Variants in GALNTL6 observed in about 807,000 individuals in gnomAD.
GALNTL6 encodes the protein polypeptide N-acetylgalactosaminyltransferase-like 6.
A neutral mutation model predicts 73.7 loss-of-function variants in GALNTL6; 46 were observed. The ratio of observed to expected loss-of-function variants is 0.62; its 90% CI spans 0.49 to 0.80. The LOEUF (loss-of-function observed/expected upper bound fraction) is 0.80, where lower values mean the gene tolerates loss of function less well. Ranked by LOEUF, GALNTL6 falls within the 30% of genes least tolerant of loss-of-function variation. The probability of loss-of-function intolerance (pLI) is 0.00; values close to 1 mark genes in which losing one functional copy is unlikely to be tolerated. For missense variants in GALNTL6, 604 were observed against 755.0 expected (o/e 0.80, Z 2.34); for synonymous variants, 259 against 263.7 (o/e 0.98, Z 0.17).
At chr4:172,325,534 T>G (rs1359585819) in intron 4 of GALNTL6, among the ~76,000 whole-genome samples, 1 of 151,956 alleles carries the variant, frequency 6.6e-6, no homozygotes, top group Non-Finnish European at 1.5e-5. Context: ...GCTGTGAGCC[T>G]GAGTTCCTTA....
chr4:172,916,965 G>C (rs1466360747), intron 8 of GALNTL6, among the ~76,000 whole-genome samples: 2 of 152,148 alleles, frequency 1.3e-5, no homozygotes, highest in Non-Finnish European at 2.9e-5. Context: ...AAAGAACAAA[G>C]CTGGAGGCAT....
chr4:172,111,685 T>A (rs1732855713), intron 2 of GALNTL6, among the ~76,000 whole-genome samples: 1 of 152,076 alleles, frequency 6.6e-6, no homozygotes, highest in Non-Finnish European at 1.5e-5. Context: ...GGGGTAATTT[T>A]CTATTTTAGG....
At chr4:172,584,106 T>A (rs1737312037) in intron 5 of GALNTL6, among the ~76,000 whole-genome samples, 1 of 150,866 alleles carries the variant, frequency 6.6e-6, no homozygotes, top group Non-Finnish European at 1.5e-5. Context: ...ACAAAGCCAA[T>A]GAAGAACAGG....
At chr4:172,459,142 G>A (rs7671982) in intron 5 of GALNTL6, among the ~76,000 whole-genome samples, 22,885 of 152,062 alleles carry the variant, frequency 0.15, 1,857 homozygotes, top group East Asian at 0.31. Context: ...ATGCAGAAAA[G>A]GCCTTCGATA....
chr4:172,961,297 G>T (rs1247801522), intron 10 of GALNTL6, among the ~76,000 whole-genome samples: 7 of 150,184 alleles, frequency 4.7e-5, no homozygotes, highest in Admixed American at 6.6e-5. Context: ...AGAAGGGGTG[G>T]GGGGTGCTTG....
At chr4:172,243,171 C>T (rs1222789684) in intron 3 of GALNTL6, among the ~76,000 whole-genome samples, 1 of 152,112 alleles carries the variant, frequency 6.6e-6, no homozygotes, top group African/African-American at 2.4e-5. Context: ...AAACATGTTC[C>T]AGCAATTTTT....
At chr4:171,937,163 T>C (rs1309960101) in intron 2 of GALNTL6, among the ~76,000 whole-genome samples, 1 of 152,206 alleles carries the variant, frequency 6.6e-6, no homozygotes, top group Non-Finnish European at 1.5e-5. Flanking sequence ...TTGCCTCAGT[T>C]AAAACTTAAC....
intron 5 of GALNTL6, among the ~76,000 whole-genome samples, chr4:172,761,689 C>CTCTCTCTCTCTCTCTT (rs1738113469): frequency 1.3e-5 from 2 of 151,790 alleles, no homozygotes; most frequent in African/African-American, 4.8e-5. Flanking sequence ...CTCTCTCTCT[C>CTCTCTCTCTCTCTCTT]TCTCTCTTTC....
At chr4:172,495,863 G>T (rs1734055670) in intron 5 of GALNTL6, among the ~76,000 whole-genome samples, 1 of 152,152 alleles carries the variant, frequency 6.6e-6, no homozygotes, top group Admixed American at 6.5e-5. Context: ...AAAAATTAAA[G>T]ATGGTTCTAC....
In GALNTL6 at chr4:172,658,199, G is replaced by A. The variant is rs183237570; in HGVS notation, c.554-151162G>A. On this transcript the variant is annotated intron_variant, in intron 5 of 12. Transcript: ENST00000506823. ...TATCTTTGTGGGGCCGGGTGCAGTG[G>A]CTCATGCCTGTAATCCCAGCACTTT... Among the ~76,000 whole-genome samples, 1,018 of 146,356 alleles carry A rather than the reference G, an allele frequency of 7.0e-3. 13 individuals carry two copies. Among genetic ancestry groups the A allele is most frequent in the African/African-American group, 0.021 (835 of 39,560 alleles).
intron 3 of GALNTL6, among the ~76,000 whole-genome samples, chr4:172,279,662 C>A (rs1738972049): frequency 6.6e-6 from 1 of 152,062 alleles, no homozygotes; most frequent in African/African-American, 2.4e-5. Context: ...AACAGTATGG[C>A]AGTACCTAAA....
intron 2 of GALNTL6, among the ~76,000 whole-genome samples, chr4:171,850,807 G>T (rs1046255264): frequency 2.0e-5 from 3 of 152,032 alleles, no homozygotes; most frequent in African/African-American, 7.2e-5. Context: ...GGGTTCCCTT[G>T]GCCAAGAGGG....
chr4:172,231,864 T>C (rs1737082301), intron 3 of GALNTL6, among the ~76,000 whole-genome samples: 1 of 152,070 alleles, frequency 6.6e-6, no homozygotes. Context: ...CATACCACCC[T>C]TTCCACCTCC....
At chr4:172,745,554 G>A (rs1466371268) in intron 5 of GALNTL6, among the ~76,000 whole-genome samples, 1 of 151,878 alleles carries the variant, frequency 6.6e-6, no homozygotes, top group African/African-American at 2.4e-5. Context: ...AACTACTGTG[G>A]CAGGAGTTAC....
At chr4:172,126,588 G>A (rs970508257) in intron 2 of GALNTL6, among the ~76,000 whole-genome samples, 1 of 152,162 alleles carries the variant, frequency 6.6e-6, no homozygotes, top group Non-Finnish European at 1.5e-5. Context: ...GTAAGTGAGT[G>A]ACCCCAGTGG....
intron 7 of GALNTL6, among the ~76,000 whole-genome samples, 164 bp from the exon 8 acceptor site, chr4:172,882,626 A>G (rs958389574): frequency 1.1e-4 from 17 of 152,228 alleles, no homozygotes; most frequent in Admixed American, 4.6e-4. Context: ...CACTTCAGTG[A>G]GAGACCCAAT....
intron 2 of GALNTL6, among the ~76,000 whole-genome samples, chr4:171,832,941 C>T (rs775160640): frequency 6.6e-6 from 1 of 151,734 alleles, no homozygotes; most frequent in African/African-American, 2.4e-5. Context: ...TTTGATTATA[C>T]ATCCTGGAAG....
intron 5 of GALNTL6, among the ~76,000 whole-genome samples, chr4:172,621,268 T>A (rs1039297553): frequency 2.0e-5 from 3 of 152,218 alleles, no homozygotes; most frequent in Admixed American, 6.6e-5. Flanking sequence ...TTGCCCAGGC[T>A]GTTCTCAAAC....
At chr4:172,371,724 T>C (rs2111259843) in intron 5 of GALNTL6, among the ~76,000 whole-genome samples, 1 of 152,268 alleles carries the variant, frequency 6.6e-6, no homozygotes, top group East Asian at 1.9e-4. Context: ...TCTTTCTCTC[T>C]TTCCTTCTTT....
Sources: gnomAD v4.1 joint callset for allele counts (sites outside exome capture counted in the v4.1 genomes callset) on GRCh38, gnomAD v4.1.1 for gene constraint, MANE v1.5 for transcripts, NCBI Gene and HGNC (gene_info 2026-07-23, HGNC 2026-07-21) for gene names.